TRAF3IP1: variants seen among roughly 807,000 people sequenced by gnomAD.
TRAF3IP1 encodes intraflagellar transport 54.
TRAF3IP1 carries 53 observed loss-of-function variants against 89.9 expected under a neutral mutation model. The observed-to-expected ratio is 0.59, with a 90% confidence interval of 0.47 to 0.74. The LOEUF (loss-of-function observed/expected upper bound fraction) is 0.74. Ranked by LOEUF, TRAF3IP1 falls within the 30% of genes least tolerant of loss-of-function variation. TRAF3IP1 has a pLI of 0.00. For missense variants in TRAF3IP1, 806 were observed against 866.1 expected (o/e 0.93, Z 0.87); for synonymous variants, 311 against 322.1 (o/e 0.97, Z 0.37).
chr2:238,321,529 G>A (rs1023251003), intron 1 of TRAF3IP1, among the ~76,000 whole-genome samples: 1 of 152,162 alleles, frequency 6.6e-6, no homozygotes. Flanking sequence ...GGTGGTCTCT[G>A]TAGCTTTTTC....
chr2:238,339,159 T>TTC (rs1235000728), intron 8 of TRAF3IP1, among the ~76,000 whole-genome samples: 1 of 152,222 alleles, frequency 6.6e-6, no homozygotes, highest in African/African-American at 2.4e-5. Context: ...CAGCACATCC[T>TTC]TCTCTCTCTG....
chr2:238,353,963 A>G (rs1699292837), intron 14 of TRAF3IP1, among the ~76,000 whole-genome samples: 1 of 152,120 alleles, frequency 6.6e-6, no homozygotes, highest in Non-Finnish European at 1.5e-5. Context: ...TAGTAGAGAC[A>G]GGTTTTCGCT....
chr2:238,327,415 G>A (rs536322802), intron 3 of TRAF3IP1, among the ~76,000 whole-genome samples: 3 of 152,272 alleles, frequency 2.0e-5, no homozygotes, highest in Non-Finnish European at 2.9e-5. Flanking sequence ...CCTGGCACGC[G>A]GCAATCACGC....
intron 15 of TRAF3IP1, among the ~76,000 whole-genome samples, chr2:238,363,018 C>T (rs899490364): frequency 6.6e-6 from 1 of 152,156 alleles, no homozygotes; most frequent in Non-Finnish European, 1.5e-5. Flanking sequence ...TTGAAGTAGC[C>T]TTTATGATTT....
intron 15 of TRAF3IP1, among the ~76,000 whole-genome samples, chr2:238,368,528 C>A (rs1559382123): frequency 6.6e-6 from 1 of 151,986 alleles, no homozygotes; most frequent in Non-Finnish European, 1.5e-5. Context: ...TCACAGAGGG[C>A]AGGACTGACA....
At chr2:238,378,163 T>G (rs987877188) in intron 15 of TRAF3IP1, among the ~76,000 whole-genome samples, 1 of 152,156 alleles carries the variant, frequency 6.6e-6, no homozygotes, top group African/African-American at 2.4e-5. Flanking sequence ...TAATCTTTGT[T>G]TTTCTTTTCA....
chr2:238,351,677 C>T lies in TRAF3IP1; in HGVS notation c.1452-1150C>T, dbSNP rs115375151. 2.9e-3 allele frequency among the ~76,000 whole-genome samples: 445 copies of T among 152,216 alleles called. 2 individuals carry two copies. Among genetic ancestry groups the T allele is most frequent in the African/African-American group, 0.01 (421 of 41,520 alleles). On this transcript the variant is annotated intron_variant, in intron 12 of 16. Coordinates refer to ENST00000373327, the MANE Select transcript of TRAF3IP1 (RefSeq NM_015650.4). The surrounding 1 kb of genome is among the most constrained non-coding windows in gnomAD (Gnocchi z 5.2). ...GCAGCGGGTTCGAAGTGAGGTTGGT[C>T]CTGGCGGAGCCACACAGGTGGTTGT...
Position 238,329,725 on chromosome 2 carries a change from A to G in TRAF3IP1, c.915+383A>G, listed in dbSNP as rs182230073. ...TGCCCAGTCTGATAGAGTGTCTGAC[A>G]CATAGCAGCTTTGCAGTAAATATTT... On this transcript the variant is annotated intron_variant, in intron 5 of 16. Coordinates refer to ENST00000373327, the MANE Select transcript of TRAF3IP1 (RefSeq NM_015650.4). 1.8e-3 allele frequency among the ~76,000 whole-genome samples: 280 copies of G among 152,330 alleles called. 3 individuals carry two copies. Among genetic ancestry groups the G allele is most frequent in the African/African-American group, 6.5e-3 (270 of 41,574 alleles).
intron 15 of TRAF3IP1, among the ~76,000 whole-genome samples, chr2:238,381,056 C>T (rs1700525125): frequency 6.6e-6 from 1 of 150,584 alleles, no homozygotes; most frequent in South Asian, 2.1e-4. Context: ...GTCCTATTTA[C>T]AGAATAGCAA....
intron 12 of TRAF3IP1, 36 bp from the exon 13 acceptor site, chr2:238,352,791 T>G: frequency 5.7e-6 from 9 of 1,581,990 alleles, no homozygotes; most frequent in Non-Finnish European, 7.7e-6. Context: ...GATGAAAATG[T>G]GTAATTCTAA....
chr2:238,349,106 G>T (rs571973636), intron 11 of TRAF3IP1, among the ~76,000 whole-genome samples: 1 of 152,254 alleles, frequency 6.6e-6, no homozygotes, highest in East Asian at 1.9e-4. Flanking sequence ...ACAGTTGTTG[G>T]TATTTTGAAA....
At chr2:238,330,182 A>G (rs1436157104) in intron 5 of TRAF3IP1, among the ~76,000 whole-genome samples, 1 of 152,204 alleles carries the variant, frequency 6.6e-6, no homozygotes, top group Non-Finnish European at 1.5e-5. Flanking sequence ...CTTTAGGAGC[A>G]TGGACATTGC....
chr2:238,325,704 C>T, intron 2 of TRAF3IP1, 105 bp from the exon 3 acceptor site: 1 of 1,151,328 alleles, frequency 8.7e-7, no homozygotes, highest in Non-Finnish European at 1.2e-6. Flanking sequence ...CTAAAAACAG[C>T]TTTGTATGTA....
At chr2:238,356,221 G>GCGTGAGCCAC in intron 15 of TRAF3IP1, 141 bp downstream of exon 15, 3 of 771,412 alleles carry the variant, frequency 3.9e-6, no homozygotes, top group Non-Finnish European at 6.4e-6. Flanking sequence ...TCCTGGCCAG[G>GCGTGAGCCAC]CATGGTGGCT....
At chr2:238,323,000 A>G (rs1313080041) in intron 1 of TRAF3IP1, among the ~76,000 whole-genome samples, 1 of 152,192 alleles carries the variant, frequency 6.6e-6, no homozygotes. Context: ...AGCTATAGCT[A>G]CACTAACCAC....
intron 15 of TRAF3IP1, among the ~76,000 whole-genome samples, chr2:238,383,758 G>A (rs557388396): frequency 1.2e-4 from 18 of 152,226 alleles, no homozygotes; most frequent in African/African-American, 4.1e-4. Context: ...AGCTAAACCC[G>A]TTTTATTACT....
At position 238,348,892 on chromosome 2, in the gene TRAF3IP1, C is replaced by T. The variant is rs1183402519; in HGVS notation, c.1367+44C>T. On this transcript the variant is annotated intron_variant, in intron 11 of 16. Coordinates refer to ENST00000373327, the MANE Select transcript of TRAF3IP1 (RefSeq NM_015650.4). ...CCTTTCCCTCAGCAGAGTGATCACA[C>T]CTAGGACACTGCTGTGCTTCTCTTT... 6 of 1,502,658 alleles carry T rather than the reference C, an allele frequency of 4.0e-6. No individual in the cohort carries two copies. In the Admixed American group the frequency reaches 6.8e-5, roughly 17 times the overall value. 93.1% of individuals were successfully genotyped at this position (1,502,658 alleles called of 1,614,324 possible). A position where few individuals can be genotyped will look rare whatever the true frequency, so the allele number is the denominator to read the frequency against.
At chr2:238,353,249 G>T (rs1275805576) in intron 14 of TRAF3IP1, 40 bp downstream of exon 14, 1 of 1,606,798 alleles carries the variant, frequency 6.2e-7, no homozygotes, top group Non-Finnish European at 8.5e-7. Context: ...GTCCATGTGT[G>T]TGTGCTCATG....
At chr2:238,367,588 T>A (rs545709399) in intron 15 of TRAF3IP1, among the ~76,000 whole-genome samples, 2 of 152,310 alleles carry the variant, frequency 1.3e-5, no homozygotes, top group Admixed American at 1.3e-4. Context: ...CTCGTGGGAC[T>A]GAGCTTTCTC....
Sources: allele counts gnomAD v4.1 joint callset (sites outside exome capture counted in the v4.1 genomes callset), GRCh38; gene constraint gnomAD v4.1.1; non-coding constraint Gnocchi (gnomAD v3.1); transcripts MANE v1.5; gene names NCBI Gene and HGNC (gene_info 2026-07-23, HGNC 2026-07-21).